Variants in ESR1 observed in about 807,000 individuals in gnomAD.
ESR1 encodes the protein estrogen receptor.
Under a neutral mutation model 52.7 loss-of-function variants are expected in ESR1, and 12 were observed. The ratio of observed to expected loss-of-function variants is 0.23; its 90% CI spans 0.15 to 0.37. ESR1 has a LOEUF of 0.37. Ranked by LOEUF, ESR1 falls within the 10% of genes least tolerant of loss-of-function variation. ESR1 has a pLI of 1.00. For missense variants in ESR1, 584 were observed against 779.7 expected (o/e 0.75, Z 2.99); for synonymous variants, 305 against 316.8 (o/e 0.96, Z 0.39).
At chr6:151,817,997 T>G (rs1477082247) in intron 1 of ESR1, among the ~76,000 whole-genome samples, 1 of 152,218 alleles carries the variant, frequency 6.6e-6, no homozygotes, top group African/African-American at 2.4e-5. Flanking sequence ...AAACCAGTCT[T>G]AAATGTGGAG....
rs187358158 is a variant in ESR1 at position 151,941,344 on chromosome 6, G to A, written c.761-2829G>A. 2.0e-3 allele frequency among the ~76,000 whole-genome samples: 310 copies of A among 152,110 alleles called. 1 individual carries two copies. The highest frequency in any genetic ancestry group is 6.9e-3 in the African/African-American group (288 of 41,480). ...AACTTGTAGAGTAGGTGTATAAATC[G>A]TATTTGGGTAATACACTGACTAATA... On this transcript the variant is annotated intron_variant, in intron 3 of 7. Transcript: ENST00000206249.
intron 4 of ESR1, among the ~76,000 whole-genome samples, chr6:151,977,963 G>GAAAAAAAAAAAAAA (rs5880951): frequency 7.6e-5 from 9 of 118,344 alleles, no homozygotes; most frequent in African/African-American, 1.6e-4. Context: ...AAAAAAAAAA[G>GAAAAAAAAAAAAAA]AAAAAAAAAA....
intron 2 of ESR1, among the ~76,000 whole-genome samples, chr6:151,748,359 T>A (rs1783639811): frequency 6.6e-6 from 1 of 152,312 alleles, no homozygotes; most frequent in Non-Finnish European, 1.5e-5. Flanking sequence ...TACTATTTTG[T>A]ATCATTCTTT....
At chr6:151,666,690 CCATCCCCCT>C in intron 1 of ESR1, among the ~76,000 whole-genome samples, 2 of 134,684 alleles carry the variant, frequency 1.5e-5, no homozygotes, top group African/African-American at 2.8e-5. Context: ...TGCCTCTTCC[CCATCCCCCT>C]CCTCCTCCTC....
chr6:151,859,500 A>G (rs867605960), intron 2 of ESR1, among the ~76,000 whole-genome samples: 5 of 152,168 alleles, frequency 3.3e-5, no homozygotes, highest in East Asian at 3.9e-4. Flanking sequence ...AACTGCAAAC[A>G]TGGCAGGGTG....
chr6:151,776,673 A>C (rs1258163938), intron 2 of ESR1, among the ~76,000 whole-genome samples: 1 of 152,108 alleles, frequency 6.6e-6, no homozygotes, highest in Non-Finnish European at 1.5e-5. Context: ...CCATGCCTCT[A>C]CTAAAAATAC....
chr6:151,705,519 G>A (rs965690645), intron 2 of ESR1, among the ~76,000 whole-genome samples: 6 of 152,102 alleles, frequency 3.9e-5, no homozygotes, highest in African/African-American at 1.4e-4. Context: ...CCAAAAAATT[G>A]GTAAATCACA....
At chr6:151,962,643 C>T (rs1031572637) in intron 4 of ESR1, among the ~76,000 whole-genome samples, 12 of 152,216 alleles carry the variant, frequency 7.9e-5, no homozygotes, top group African/African-American at 2.9e-4. Context: ...GGCTTCTTAC[C>T]ACAGCCCCCT....
At chr6:151,716,896 G>A (rs118029462) in intron 2 of ESR1, among the ~76,000 whole-genome samples, 3,116 of 152,268 alleles carry the variant, frequency 0.02, 38 homozygotes, top group East Asian at 0.033. Context: ...AAAAACTCCT[G>A]TAGCTAGTTC....
At chr6:151,752,494 A>G (rs1464448963) in intron 2 of ESR1, among the ~76,000 whole-genome samples, 3 of 143,864 alleles carry the variant, frequency 2.1e-5, no homozygotes, top group South Asian at 2.1e-4. Context: ...TTAGAAATCT[A>G]TAATATTGCT....
chr6:152,032,802 T>C (rs1243291345), intron 5 of ESR1, among the ~76,000 whole-genome samples: 2 of 152,270 alleles, frequency 1.3e-5, no homozygotes, highest in East Asian at 1.9e-4. Context: ...TTAAAGTTCA[T>C]ATGGAACCAA....
chr6:151,893,870 A>G (rs1795062920), intron 3 of ESR1, among the ~76,000 whole-genome samples: 1 of 152,202 alleles, frequency 6.6e-6, no homozygotes, highest in East Asian at 1.9e-4. Context: ...AAAGGATCTT[A>G]AGCAGAGAAG....
At chr6:151,950,276 G>A (rs1049206213) in intron 4 of ESR1, among the ~76,000 whole-genome samples, 1 of 152,188 alleles carries the variant, frequency 6.6e-6, no homozygotes, top group Non-Finnish European at 1.5e-5. Context: ...GTCAGTGTGT[G>A]TTTATGTTGA....
intron 2 of ESR1, among the ~76,000 whole-genome samples, chr6:151,724,792 A>G (rs763453589): frequency 6.6e-6 from 1 of 152,168 alleles, no homozygotes; most frequent in Non-Finnish European, 1.5e-5. Flanking sequence ...TCCTGGGTCC[A>G]TCCTGGTCTG....
At position 151,859,370 on chromosome 6, in the gene ESR1, A is replaced by G. The variant is rs994829001; in HGVS notation, c.643+16583A>G. Among the ~76,000 whole-genome samples, 4 of 152,234 alleles carry G rather than the reference A, an allele frequency of 2.6e-5. No individual in the cohort carries two copies. The East Asian group carries it at 5.8e-4, about 22-fold the overall frequency. On this transcript the variant is annotated intron_variant, in intron 2 of 7. Transcript: ENST00000206249. Reference sequence around the variant, plus strand: ...TTTAGTCTTAGAAAAATTATTTCACATATTAGTTAAGGCTTTTAGTTTTGA... The same window carrying G: ...TTTAGTCTTAGAAAAATTATTTCACGTATTAGTTAAGGCTTTTAGTTTTGA...
intron 2 of ESR1, among the ~76,000 whole-genome samples, chr6:151,859,621 C>G (rs1788517429): frequency 2.0e-5 from 3 of 152,192 alleles, no homozygotes; most frequent in Admixed American, 2.0e-4. Context: ...TGCAAGTATG[C>G]ATTTTCCCTA....
chr6:151,706,034 G>C (rs757982557), intron 2 of ESR1, among the ~76,000 whole-genome samples: 4 of 152,196 alleles, frequency 2.6e-5, no homozygotes, highest in Non-Finnish European at 4.4e-5. Context: ...GTCTGAAGCT[G>C]TGTGTGTACA....
chr6:152,045,484 G>A (rs2046154054), intron 5 of ESR1, among the ~76,000 whole-genome samples: 1 of 152,194 alleles, frequency 6.6e-6, no homozygotes, highest in African/African-American at 2.4e-5. Flanking sequence ...GCATAGCAGA[G>A]ACTAGGGACA....
chr6:151,875,755 G>A (rs1178864712), intron 2 of ESR1, among the ~76,000 whole-genome samples: 1 of 152,168 alleles, frequency 6.6e-6, no homozygotes, highest in South Asian at 2.1e-4. Flanking sequence ...CAAGTCCTGG[G>A]GGTGAGAAGC....
Sources: allele counts gnomAD v4.1 joint callset (sites outside exome capture counted in the v4.1 genomes callset), GRCh38; gene constraint gnomAD v4.1.1; transcripts MANE v1.5; gene names NCBI Gene and HGNC (gene_info 2026-07-23, HGNC 2026-07-21).